The following OTOGL variants were observed in gnomAD, a reference collection of about 807,000 sequenced individuals.
The protein encoded by OTOGL is otogelin like.
OTOGL carries 285 observed loss-of-function variants against 318.5 expected under a neutral mutation model. The ratio of observed to expected loss-of-function variants is 0.89; its 90% CI spans 0.81 to 0.99. The LOEUF (loss-of-function observed/expected upper bound fraction) is 0.99, where lower values mean the gene tolerates loss of function less well. Ranked by LOEUF, OTOGL falls within the 50% of genes least tolerant of loss-of-function variation. The pLI is 0.00. For missense variants in OTOGL, 2,899 were observed against 2,845.6 expected (o/e 1.02, Z -0.43); for synonymous variants, 987 against 936.5 (o/e 1.05, Z -0.99).
intron 1 of OTOGL, among the ~76,000 whole-genome samples, chr12:80,168,056 C>T (rs1873943258): frequency 1.3e-5 from 2 of 151,828 alleles, no homozygotes; most frequent in African/African-American, 4.8e-5. Context: ...CTCTCAGACT[C>T]AAGAGATGTT....
intron 26 of OTOGL, among the ~76,000 whole-genome samples, chr12:80,288,560 A>G (rs1239312312): frequency 6.6e-6 from 1 of 152,030 alleles, no homozygotes; most frequent in African/African-American, 2.4e-5. Flanking sequence ...TGGTCTTTTC[A>G]CATAGTCCCA....
Position 80,353,340 on chromosome 12 carries a change from A to T in OTOGL, c.5423A>T (p.Glu1808Val). 2 of 1,563,600 alleles carry T rather than the reference A, an allele frequency of 1.3e-6. No individual in the cohort carries two copies. Among genetic ancestry groups the T allele is most frequent in the Non-Finnish European group, 8.7e-7 (1 of 1,152,960 alleles). Residue 1808 changes from glutamate to valine, a missense_variant, in exon 46 of 59, where the codon GAG becomes GTG. Physicochemically the swap from Glu to Val is moderately radical, Grantham distance 121. This residue lies in a region of OTOGL where 2,607 missense variants were observed against 2,524.9 expected (regional missense o/e 1.03). Coordinates refer to ENST00000547103, the MANE Select transcript of OTOGL (RefSeq NM_001378609.3). ...TTCTTCAAAGCCCTGAGTTGCCCAG[A>T]GGGGAAGGAATATCAACCCTGTGTG... ...TPDYCSLSCPEGKEYQPCVRP... is the reference protein window; with the variant it reads ...TPDYCSLSCPVGKEYQPCVRP...
chr12:80,204,270 C>T (rs1361760936), intron 1 of OTOGL, among the ~76,000 whole-genome samples: 2 of 152,098 alleles, frequency 1.3e-5, no homozygotes, highest in Non-Finnish European at 2.9e-5. Context: ...AAGCAGTTTT[C>T]CATATCAATC....
At chr12:80,146,586 G>A (rs943424194) in intron 1 of OTOGL, among the ~76,000 whole-genome samples, 3 of 151,806 alleles carry the variant, frequency 2.0e-5, no homozygotes, top group African/African-American at 7.3e-5. Context: ...ATGAGTTAGG[G>A]AGGATTCCCT....
In OTOGL at chr12:80,334,426, A is replaced by G. The variant is rs1474093684; in HGVS notation, c.4422+1348A>G. 9.2e-5 allele frequency among the ~76,000 whole-genome samples: 14 copies of G among 152,262 alleles called. No individual in the cohort carries two copies. In the South Asian group the frequency reaches 1.7e-3, roughly 18 times the overall value. ...ACAGACAGCAAAAAGCTGTGGACAT[A>G]TAGATTTGGCAGACATACATGGAGT... On this transcript the variant is annotated intron_variant, in intron 38 of 58. Transcript: ENST00000547103.
intron 19 of OTOGL, 132 bp downstream of exon 19, chr12:80,262,225 G>A (rs903347468): frequency 8.9e-5 from 87 of 975,516 alleles, no homozygotes; most frequent in Middle Eastern, 3.6e-4. Context: ...GCCATTCCTC[G>A]TGTATTTTTT....
rs565186011 is a variant in OTOGL, at chr12:80,149,369, G to A, written c.-20+49764G>A. On this transcript the variant is annotated intron_variant, in intron 1 of 58. Transcript: ENST00000547103. The stretch of plus-strand genomic sequence containing the variant: ...GTGCCTCCCAGTTAGGCTGCTCGGG[G>A]GTCGGGGGCCAGGGGTCAGGGGTCA... Among the ~76,000 whole-genome samples the A allele has an allele frequency of 3.3e-5, 5 of 152,268 alleles. No homozygotes were observed. The South Asian group carries it at 6.2e-4, about 19-fold the overall frequency.
At chr12:80,280,882 G>T (rs1565951542) in intron 26 of OTOGL, among the ~76,000 whole-genome samples, 1 of 151,678 alleles carries the variant, frequency 6.6e-6, no homozygotes, top group Non-Finnish European at 1.5e-5. Flanking sequence ...GCAGTGTTTT[G>T]TAATTCTTGT....
intron 4 of OTOGL, among the ~76,000 whole-genome samples, chr12:80,213,850 A>C (rs1047403010): frequency 6.6e-6 from 1 of 152,218 alleles, no homozygotes; most frequent in Non-Finnish European, 1.5e-5. Flanking sequence ...TTGGAATTTC[A>C]TGTGTTACAA....
At chr12:80,163,588 G>A (rs973414864) in intron 1 of OTOGL, among the ~76,000 whole-genome samples, 3 of 152,090 alleles carry the variant, frequency 2.0e-5, no homozygotes, top group African/African-American at 7.2e-5. Context: ...AGATCTGCAG[G>A]TCAATTAAGG....
At chr12:80,269,014 G>T (rs1366687179) in intron 22 of OTOGL, among the ~76,000 whole-genome samples, 2 of 151,940 alleles carry the variant, frequency 1.3e-5, no homozygotes, top group African/African-American at 4.8e-5. Context: ...GAATAAGTAT[G>T]ATATGGAAGA....
chr12:80,219,955 G>A, intron 6 of OTOGL, 43 bp downstream of exon 6: 1 of 1,391,946 alleles, frequency 7.2e-7, no homozygotes, highest in Non-Finnish European at 9.9e-7. Flanking sequence ...GAGATACCAA[G>A]GAGAAAATTA....
chr12:80,126,955 T>G (rs1316913938), intron 1 of OTOGL, among the ~76,000 whole-genome samples: 3 of 152,192 alleles, frequency 2.0e-5, no homozygotes, highest in African/African-American at 7.2e-5. Context: ...GAGATGGGTT[T>G]CCTGAATACA....
intron 26 of OTOGL, among the ~76,000 whole-genome samples, chr12:80,290,612 G>A (rs1884980304): frequency 6.6e-6 from 1 of 151,970 alleles, no homozygotes; most frequent in African/African-American, 2.4e-5. Context: ...GTTTGTTTAT[G>A]GTATCATTTT....
chr12:80,107,491 A>G (rs1438142738), intron 1 of OTOGL, among the ~76,000 whole-genome samples: 2 of 152,160 alleles, frequency 1.3e-5, no homozygotes, highest in Non-Finnish European at 2.9e-5. Flanking sequence ...ATGCTTATAC[A>G]CTGCTGGTGG....
intron 1 of OTOGL, among the ~76,000 whole-genome samples, chr12:80,126,502 AG>A (rs1443020158): frequency 6.6e-6 from 1 of 152,176 alleles, no homozygotes; most frequent in Admixed American, 6.5e-5. Context: ...GGTGCTGAAA[AG>A]AATGTATATT....
chr12:80,112,033 AT>A lies in OTOGL; in HGVS notation c.-20+12431del, dbSNP rs563453181. Among the ~76,000 whole-genome samples the A allele has an allele frequency of 3.4e-4, 51 of 152,150 alleles. 1 individual carries two copies. The highest frequency in any genetic ancestry group is 9.6e-4 in the African/African-American group (40 of 41,516). On this transcript the variant is annotated intron_variant, in intron 1 of 58. Coordinates refer to ENST00000547103, the MANE Select transcript of OTOGL (RefSeq NM_001378609.3). ...AATTGTGAATGGGAGTTTGCTCATT[AT>A]TTGGCTCTCTGTTTGTCTATAATTG...
At chr12:80,303,967 T>G (rs1488753247) in intron 28 of OTOGL, among the ~76,000 whole-genome samples, 1 of 152,238 alleles carries the variant, frequency 6.6e-6, no homozygotes, top group African/African-American at 2.4e-5. Context: ...TACTTCATGT[T>G]GCTTCTTTAT....
chr12:80,235,611 A>G (rs1879776643), intron 9 of OTOGL, among the ~76,000 whole-genome samples: 1 of 152,170 alleles, frequency 6.6e-6, no homozygotes, highest in South Asian at 2.1e-4. Context: ...TAAGGGCCAG[A>G]CAGACTTATA....
Sources: gnomAD v4.1 joint callset for allele counts (sites outside exome capture counted in the v4.1 genomes callset) on GRCh38, gnomAD v4.1.1 for gene constraint, gnomAD v4.1.1 regional missense constraint, MANE v1.5 for transcripts, NCBI Gene and HGNC (gene_info 2026-07-23, HGNC 2026-07-21) for gene names.